Variants in PLCB1 observed in about 807,000 individuals in gnomAD.
PLCB1 encodes the protein 1-phosphatidylinositol 4,5-bisphosphate phosphodiesterase beta-1.
A neutral mutation model predicts 161.8 loss-of-function variants in PLCB1; 46 were observed. That is an observed-to-expected ratio of 0.28 (90% CI 0.22 to 0.36). The LOEUF is 0.36. Among genes scored for constraint, PLCB1 ranks in the 10% least tolerant of loss-of-function variants. The pLI, the probability that PLCB1 is intolerant of heterozygous loss-of-function variation, is 1.00. For missense variants in PLCB1, 1,016 were observed against 1,472.5 expected, an observed-to-expected ratio of 0.69 and a Z score of 5.07; for synonymous variants, 517 against 503.7, an observed-to-expected ratio of 1.03 and a Z score of -0.35.
At chr20:8,172,353 C>CATGT (rs1335435311) in intron 2 of PLCB1, among the ~76,000 whole-genome samples, 1 of 152,000 alleles carries the variant, frequency 6.6e-6, no homozygotes, top group African/African-American at 2.4e-5. Context: ...AGGGATAAGC[C>CATGT]ATGTGGTTGG....
At chr20:8,425,691 T>C (rs1979736044) in intron 3 of PLCB1, among the ~76,000 whole-genome samples, 1 of 152,184 alleles carries the variant, frequency 6.6e-6, no homozygotes, top group African/African-American at 2.4e-5. Context: ...ATTCTTTGCC[T>C]CTAAATTAGG....
At chr20:8,714,611 C>G (rs941836162) in intron 12 of PLCB1, among the ~76,000 whole-genome samples, 1 of 152,206 alleles carries the variant, frequency 6.6e-6, no homozygotes, top group African/African-American at 2.4e-5. Context: ...TTTTTCTTCT[C>G]TCCCTAATAC....
At chr20:8,254,974 G>A (rs185952017) in intron 2 of PLCB1, among the ~76,000 whole-genome samples, 56 of 152,154 alleles carry the variant, frequency 3.7e-4, no homozygotes, top group African/African-American at 1.3e-3. Context: ...CCAGGCACTT[G>A]TTAATCGTTG....
At chr20:8,557,002 A>G (rs1243024613) in intron 3 of PLCB1, among the ~76,000 whole-genome samples, 3 of 136,316 alleles carry the variant, frequency 2.2e-5, no homozygotes, top group Non-Finnish European at 4.6e-5. Flanking sequence ...AAATAAATAA[A>G]TAAATAAATA....
intron 4 of PLCB1, among the ~76,000 whole-genome samples, chr20:8,642,195 A>G (rs1457401512): frequency 6.6e-6 from 1 of 152,148 alleles, no homozygotes; most frequent in Non-Finnish European, 1.5e-5. Flanking sequence ...TTGGTATAAG[A>G]TAAAAACGAG....
chr20:8,342,307 A>C (rs903197012), intron 2 of PLCB1, among the ~76,000 whole-genome samples: 1 of 152,234 alleles, frequency 6.6e-6, no homozygotes, highest in Non-Finnish European at 1.5e-5. Context: ...TTGTAAACAA[A>C]ATATACATTA....
intron 1 of PLCB1, among the ~76,000 whole-genome samples, chr20:8,148,860 T>C (rs2051481183): frequency 6.6e-6 from 1 of 152,194 alleles, no homozygotes; most frequent in African/African-American, 2.4e-5. Context: ...TTTAATTACC[T>C]GGAGTAGTCA....
intron 2 of PLCB1, among the ~76,000 whole-genome samples, chr20:8,298,323 T>C (rs912547573): frequency 6.6e-5 from 10 of 150,846 alleles, no homozygotes; most frequent in African/African-American, 2.4e-4. Flanking sequence ...TGCAAGAACT[T>C]GAATCAAGAA....
intron 3 of PLCB1, among the ~76,000 whole-genome samples, chr20:8,515,080 A>G (rs1028920065): frequency 4.6e-5 from 7 of 152,214 alleles, no homozygotes; most frequent in African/African-American, 1.7e-4. Flanking sequence ...AAACAAAGGA[A>G]CAAACAAAAA....
intron 2 of PLCB1, among the ~76,000 whole-genome samples, chr20:8,350,371 C>T (rs555405783): frequency 7.2e-5 from 11 of 152,226 alleles, no homozygotes; most frequent in South Asian, 4.1e-4. Context: ...GGTTAGTTTA[C>T]GGAGGATAAA....
rs202098034 is a variant in PLCB1 at position 8,883,825 on chromosome 20, A to ATCTT, written c.*1978_*1981dup. ...AAACTTAACTTCCAATGAAAAAGAAATCTTTTGTAAATCATTCTACTTTTG... is the reference window on the plus strand; with the variant it reads ...AAACTTAACTTCCAATGAAAAAGAAATCTTTCTTTTGTAAATCATTCTACTTTTG... On this transcript the variant is annotated 3_prime_UTR_variant, in exon 32 of 32. Transcript: ENST00000338037. 5.9e-3 allele frequency: 908 copies of ATCTT among 152,678 alleles called. 5 individuals carry two copies. The highest frequency in any genetic ancestry group is 0.014 in the Middle Eastern group (4 of 294). The allele number at this position is 152,678 out of a possible 1,614,324, so 9.5% of individuals were successfully genotyped here. A position where few individuals can be genotyped will look rare whatever the true frequency, so the allele number is the denominator to read the frequency against.
At chr20:8,239,189 G>A (rs1980483065) in intron 2 of PLCB1, among the ~76,000 whole-genome samples, 1 of 151,970 alleles carries the variant, frequency 6.6e-6, no homozygotes, top group Admixed American at 6.6e-5. Flanking sequence ...GAGGTGGACA[G>A]GGAACTAACG....
At chr20:8,832,908 A>G (rs1986085250) in intron 31 of PLCB1, among the ~76,000 whole-genome samples, 1 of 152,214 alleles carries the variant, frequency 6.6e-6, no homozygotes, top group Admixed American at 6.5e-5. Context: ...CAGCTGGACA[A>G]CCTTAAGGAT....
chr20:8,366,970 G>T (rs1050859615), intron 2 of PLCB1, among the ~76,000 whole-genome samples: 12 of 152,146 alleles, frequency 7.9e-5, no homozygotes, highest in African/African-American at 2.9e-4. Flanking sequence ...AAGGTTCTAT[G>T]GGAGAACATC....
chr20:8,614,339 T>C (rs930321804), intron 3 of PLCB1, among the ~76,000 whole-genome samples: 1 of 150,718 alleles, frequency 6.6e-6, no homozygotes, highest in African/African-American at 2.5e-5. Flanking sequence ...ATTATATATA[T>C]ATATACACAC....
intron 2 of PLCB1, among the ~76,000 whole-genome samples, chr20:8,250,468 T>C (rs6140562): frequency 0.081 from 12,316 of 151,942 alleles, 559 homozygotes; most frequent in South Asian, 0.16. Flanking sequence ...TGATTTTGCA[T>C]CTGTAAGGTG....
At chr20:8,787,458 CA>C (rs1983544292) in intron 27 of PLCB1, among the ~76,000 whole-genome samples, 1 of 152,192 alleles carries the variant, frequency 6.6e-6, no homozygotes, top group Non-Finnish European at 1.5e-5. Flanking sequence ...GAAGACTAGT[CA>C]ACTCAGCTTG....
intron 27 of PLCB1, among the ~76,000 whole-genome samples, chr20:8,775,472 A>G (rs1177931465): frequency 4.6e-5 from 7 of 152,170 alleles, no homozygotes; most frequent in African/African-American, 1.4e-4. Context: ...GTTTTAAGAG[A>G]TATTTGTATA....
At chr20:8,161,257 T>C (rs1353698093) in intron 2 of PLCB1, among the ~76,000 whole-genome samples, 3 of 152,190 alleles carry the variant, frequency 2.0e-5, no homozygotes, top group Non-Finnish European at 4.4e-5. Context: ...ACATACATAG[T>C]GTGTCTATAT....
Sources: allele counts gnomAD v4.1 joint callset (sites outside exome capture counted in the v4.1 genomes callset), GRCh38; gene constraint gnomAD v4.1.1; transcripts MANE v1.5; gene names NCBI Gene and HGNC (gene_info 2026-07-23, HGNC 2026-07-21).